The following WDR7 variants were observed in gnomAD, a reference collection of about 807,000 sequenced individuals.
WDR7 encodes the protein WD repeat-containing protein 7.
In WDR7, 46 loss-of-function variants were observed where a neutral mutation model predicts 169.4. The observed-to-expected ratio is 0.27, with a 90% CI of 0.21 to 0.35. The LOEUF is 0.35. Ranked by LOEUF, WDR7 falls within the 10% of genes least tolerant of loss-of-function variation. WDR7 has a pLI of 1.00. For synonymous variants in WDR7, 612 were observed against 666.8 expected (o/e 0.92, Z 1.27); for missense variants, 1,534 against 1,859.3 (o/e 0.83, Z 3.22).
chr18:56,938,784 A>T, intron 24 of WDR7, 102 bp downstream of exon 24: 1 of 1,372,384 alleles, frequency 7.3e-7, no homozygotes, highest in South Asian at 1.3e-5. Flanking sequence ...TCTAAAAGAG[A>T]TGAAGGGTGA....
intron 26 of WDR7, among the ~76,000 whole-genome samples, chr18:56,983,163 C>T (rs1394086777): frequency 6.6e-6 from 1 of 152,172 alleles, no homozygotes; most frequent in African/African-American, 2.4e-5. Flanking sequence ...ACTGTGTATA[C>T]TCTTGCTTTT....
At chr18:56,950,292 T>C (rs1045191399) in intron 25 of WDR7, among the ~76,000 whole-genome samples, 2 of 152,224 alleles carry the variant, frequency 1.3e-5, no homozygotes, top group African/African-American at 4.8e-5. Flanking sequence ...AACTGTTCTG[T>C]TGTTTTGCTC....
chr18:56,900,322 A>T (rs987689336), intron 21 of WDR7, among the ~76,000 whole-genome samples: 1 of 152,094 alleles, frequency 6.6e-6, no homozygotes, highest in African/African-American at 2.4e-5. Context: ...AAGCCAGAGA[A>T]GTAAAAGCGG....
chr18:56,819,091 A>C (rs990874940), intron 20 of WDR7, among the ~76,000 whole-genome samples: 4 of 152,206 alleles, frequency 2.6e-5, no homozygotes, highest in Non-Finnish European at 5.9e-5. Context: ...CTAAAGGCAG[A>C]ATACTTTTTG....
chr18:56,708,934 C>T (rs879538741), intron 12 of WDR7, among the ~76,000 whole-genome samples: 1 of 152,066 alleles, frequency 6.6e-6, no homozygotes, highest in Non-Finnish European at 1.5e-5. Context: ...GAGACTCTGT[C>T]TCAAACAACA....
intron 21 of WDR7, among the ~76,000 whole-genome samples, chr18:56,895,838 G>A (rs1438502471): frequency 6.6e-6 from 1 of 151,720 alleles, no homozygotes; most frequent in African/African-American, 2.4e-5. Context: ...AAATATCTCA[G>A]TTGCTCTCAA....
intron 26 of WDR7, among the ~76,000 whole-genome samples, chr18:56,987,285 CAAAAAAAAAAAAAA>C (rs74182165): frequency 1.3e-5 from 1 of 75,236 alleles, no homozygotes; most frequent in Admixed American, 1.7e-4. Flanking sequence ...TCATCTGTAC[CAAAAAAAAAAAAAA>C]AAAAAAAAAA....
chr18:56,680,258 T>C (rs558207176), intron 3 of WDR7, among the ~76,000 whole-genome samples: 31 of 152,242 alleles, frequency 2.0e-4, no homozygotes, highest in African/African-American at 7.0e-4. Flanking sequence ...CTTAGGAGGC[T>C]GAGGTGGTAG....
At chr18:56,999,542 C>A (rs1022295793) in intron 26 of WDR7, among the ~76,000 whole-genome samples, 1 of 151,962 alleles carries the variant, frequency 6.6e-6, no homozygotes, top group African/African-American at 2.4e-5. Flanking sequence ...ATGATGTCAG[C>A]CCCTATATTA....
At chr18:56,810,102 T>C (rs1168488149) in intron 19 of WDR7, among the ~76,000 whole-genome samples, 1 of 152,174 alleles carries the variant, frequency 6.6e-6, no homozygotes, top group Non-Finnish European at 1.5e-5. Flanking sequence ...TTTTAAAAAA[T>C]ATTATTCCTT....
At chr18:56,731,259 A>G in intron 13 of WDR7, 124 bp from the exon 14 acceptor site, 4 of 1,103,598 alleles carry the variant, frequency 3.6e-6, no homozygotes, top group Admixed American at 2.7e-5. Context: ...ACAAAAAAAA[A>G]TTTCCAGGAG....
At chr18:56,667,505 G>A (rs1352172923) in intron 1 of WDR7, among the ~76,000 whole-genome samples, 2 of 152,068 alleles carry the variant, frequency 1.3e-5, no homozygotes, top group African/African-American at 4.8e-5. Flanking sequence ...GAAGATCAGT[G>A]TGGAACCTTG....
At chr18:56,856,175 C>T (rs77811637) in intron 20 of WDR7, among the ~76,000 whole-genome samples, 3,685 of 152,266 alleles carry the variant, frequency 0.024, 67 homozygotes, top group Middle Eastern at 0.092. Context: ...AGCTCTGCCT[C>T]ACAGCAGATG....
intron 21 of WDR7, among the ~76,000 whole-genome samples, chr18:56,887,108 G>T (rs2046208015): frequency 6.6e-6 from 1 of 152,036 alleles, no homozygotes; most frequent in Admixed American, 6.6e-5. Flanking sequence ...AGAATTAGGG[G>T]AAAAAAGGGA....
rs145619574 is a variant in WDR7 at position 56,833,471 on chromosome 18, A to T, written c.3304+17327A>T. Among the ~76,000 whole-genome samples, 864 of 151,944 alleles carry T rather than the reference A, an allele frequency of 5.7e-3. 1 individual carries two copies. The highest frequency in any genetic ancestry group is 7.2e-3 in the Non-Finnish European group (490 of 67,946). On this transcript the variant is annotated intron_variant, in intron 20 of 27. Coordinates refer to ENST00000254442, the MANE Select transcript of WDR7 (RefSeq NM_015285.3). ...TGTATCCCAGAACTTAAAGTATAAT[A>T]AAAAAAATAAAGCATTCTAAATATC...
chr18:56,959,058 G>A (rs750009309), intron 25 of WDR7, among the ~76,000 whole-genome samples: 3 of 152,130 alleles, frequency 2.0e-5, no homozygotes, highest in Non-Finnish European at 2.9e-5. Context: ...GTAAAAGGCT[G>A]TTGTGTTAAA....
In WDR7 at chr18:56,865,317, C is replaced by T. The variant is rs188124027; in HGVS notation, c.3305-14627C>T. Among the ~76,000 whole-genome samples, 1,051 of 152,146 alleles carry T rather than the reference C, an allele frequency of 6.9e-3. 7 individuals are homozygous for T. The highest frequency in any genetic ancestry group is 8.2e-3 in the Non-Finnish European group (554 of 67,948). On this transcript the variant is annotated intron_variant, in intron 20 of 27. Transcript: ENST00000254442. ...AAAGCTTCAGACAGGTTTATTTGGT[C>T]TCACCTTGAATACAACAGTGCTGTA...
At chr18:56,794,304 A>ATTCTTTTTTTTTTTTTTTT (rs2044543580) in intron 19 of WDR7, among the ~76,000 whole-genome samples, 3 of 49,466 alleles carry the variant, frequency 6.1e-5, no homozygotes, top group South Asian at 1.2e-3. Context: ...GGTAAAGTCT[A>ATTCTTTTTTTTTTTTTTTT]TTTTTTTTTT....
At chr18:56,655,374 C>T (rs2024744324) in intron 1 of WDR7, among the ~76,000 whole-genome samples, 1 of 152,112 alleles carries the variant, frequency 6.6e-6, no homozygotes, top group South Asian at 2.1e-4. Flanking sequence ...CCCGTAGTCC[C>T]AGCACTTTGG....
Sources: gnomAD v4.1 joint callset for allele counts (sites outside exome capture counted in the v4.1 genomes callset) on GRCh38, gnomAD v4.1.1 for gene constraint, MANE v1.5 for transcripts, NCBI Gene and HGNC (gene_info 2026-07-23, HGNC 2026-07-21) for gene names.